EIF2AK4: variants seen among roughly 807,000 people sequenced by gnomAD.
EIF2AK4 encodes eukaryotic translation initiation factor 2 alpha kinase 4.
A neutral mutation model predicts 211.1 loss-of-function variants in EIF2AK4; 139 were observed. That is an observed-to-expected ratio of 0.66 (90% CI 0.57 to 0.76). The LOEUF is 0.76. Among genes scored for constraint, EIF2AK4 ranks in the 30% least tolerant of loss-of-function variants. The pLI is 0.00. For missense variants in EIF2AK4, 1,664 were observed against 2,043.8 expected (o/e 0.81, Z 3.58); for synonymous variants, 710 against 751.3 (o/e 0.94, Z 0.90).
At chr15:39,981,455 G>T (rs2034783807) in intron 13 of EIF2AK4, among the ~76,000 whole-genome samples, 1 of 152,114 alleles carries the variant, frequency 6.6e-6, no homozygotes, top group South Asian at 2.1e-4. Flanking sequence ...TATTACAGGG[G>T]CACCAAATCC....
At chr15:39,987,474 T>C (rs2034882127) in intron 14 of EIF2AK4, among the ~76,000 whole-genome samples, 1 of 152,248 alleles carries the variant, frequency 6.6e-6, no homozygotes, top group African/African-American at 2.4e-5. Context: ...TTTTCTGATA[T>C]GTGAATACAC....
At chr15:40,021,124 C>T (rs1423642895) in intron 31 of EIF2AK4, 97 bp downstream of exon 31, 2 of 1,348,148 alleles carry the variant, frequency 1.5e-6, no homozygotes, top group East Asian at 5.3e-5. Flanking sequence ...CTCTGTTTAT[C>T]TCTGTAATTC....
chr15:39,955,624 G>A lies in EIF2AK4; in HGVS notation c.599G>A (p.Arg200His), dbSNP rs563342241. 8.7e-6 allele frequency: 14 copies of A among 1,604,878 alleles called. No individual in the cohort carries two copies. The East Asian group carries it at 2.0e-4, about 23-fold the overall frequency. Reference sequence around the variant, plus strand: ...GTTTTACTTTTCTTGTTCTAGGAACGTTTGGAAATTGCTAGTTTGTCAAAC... The same window carrying A: ...GTTTTACTTTTCTTGTTCTAGGAACATTTGGAAATTGCTAGTTTGTCAAAC... ...KKRKEMAKQE[R>H]LEIASLSNQD... The change falls in exon 6 of 39, where the codon CGT becomes CAT. Residue 200 changes from arginine to histidine, a missense_variant. Coordinates refer to ENST00000263791, the MANE Select transcript of EIF2AK4 (RefSeq NM_001013703.4).
At chr15:39,948,494 A>C (rs1387119445) in intron 3 of EIF2AK4, among the ~76,000 whole-genome samples, 1 of 152,198 alleles carries the variant, frequency 6.6e-6, no homozygotes, top group East Asian at 1.9e-4. Context: ...CACATAAAGA[A>C]TGTGTGAAAG....
At chr15:40,014,760 AGAATGG>A (rs1349076148) in intron 27 of EIF2AK4, among the ~76,000 whole-genome samples, 1 of 152,190 alleles carries the variant, frequency 6.6e-6, no homozygotes, top group African/African-American at 2.4e-5. Context: ...TTTTCCTCAG[AGAATGG>A]GGTTTTCTTT....
chr15:39,954,160 A>T (rs1475476532), intron 5 of EIF2AK4, among the ~76,000 whole-genome samples, 176 bp downstream of exon 5: 1 of 152,200 alleles, frequency 6.6e-6, no homozygotes, highest in Non-Finnish European at 1.5e-5. Context: ...TTAGAGTTTT[A>T]TGTTGTCAGT....
intron 15 of EIF2AK4, among the ~76,000 whole-genome samples, chr15:39,990,063 G>C (rs957164671): frequency 1.6e-4 from 24 of 152,182 alleles, no homozygotes; most frequent in African/African-American, 5.8e-4. Flanking sequence ...AATTCACCTG[G>C]TCAGGATACC....
At chr15:39,935,883 A>C (rs929923933) in intron 1 of EIF2AK4, among the ~76,000 whole-genome samples, 1 of 152,208 alleles carries the variant, frequency 6.6e-6, no homozygotes, top group Non-Finnish European at 1.5e-5. Flanking sequence ...TTTAACCTGA[A>C]ATGGTAAAAA....
chr15:40,018,442 AT>A (rs112144186), intron 29 of EIF2AK4, among the ~76,000 whole-genome samples: 23,360 of 148,482 alleles, frequency 0.16, 1,892 homozygotes, highest in Non-Finnish European at 0.18. Flanking sequence ...GCATTCTTTG[AT>A]TTTTTTTTTC....
chr15:39,967,341 C>G lies in EIF2AK4; in HGVS notation c.1018-3C>G. 6.7e-7 allele frequency: 1 copy of G among 1,485,906 alleles called. No homozygotes were observed. The highest frequency in any genetic ancestry group is 9.1e-7 in the Non-Finnish European group (1 of 1,103,200). 92.0% of individuals were successfully genotyped at this position (1,485,906 alleles called of 1,614,324 possible). A position where few individuals can be genotyped will look rare whatever the true frequency, so the allele number is the denominator to read the frequency against. On this transcript the variant is annotated splice_polypyrimidine_tract_variant and splice_region_variant and intron_variant, in intron 8 of 38. Transcript: ENST00000263791. ...TTCTTTTTTTTTTTTTTTAACTTAT[C>G]AGATTCAAGGAACAGAAACAGAATT... is the stretch of plus-strand genomic sequence containing the variant.
intron 2 of EIF2AK4, among the ~76,000 whole-genome samples, chr15:39,940,929 C>A (rs527849793): frequency 6.6e-6 from 1 of 151,926 alleles, no homozygotes; most frequent in Admixed American, 6.6e-5. Flanking sequence ...TCCTAAGTTG[C>A]GATAATTGCT....
intron 33 of EIF2AK4, among the ~76,000 whole-genome samples, chr15:40,027,134 T>G (rs1318658992): frequency 1.3e-5 from 2 of 152,224 alleles, no homozygotes; most frequent in African/African-American, 4.8e-5. Flanking sequence ...ACAACTGTTT[T>G]CCAAAAGAAA....
chr15:39,999,076 A>T (rs2035059727), intron 20 of EIF2AK4, among the ~76,000 whole-genome samples: 1 of 152,104 alleles, frequency 6.6e-6, no homozygotes, highest in Non-Finnish European at 1.5e-5. Flanking sequence ...AAAAAAAAAG[A>T]ATCCTTTTAC....
chr15:39,955,862 C>T (rs957743636), intron 6 of EIF2AK4, 94 bp downstream of exon 6: 23 of 1,363,254 alleles, frequency 1.7e-5, no homozygotes, highest in South Asian at 1.6e-4. Context: ...AAATTTCAGG[C>T]GATAGTCTTA....
At chr15:39,946,439 A>T (rs2034228177) in intron 3 of EIF2AK4, 2 of 625,328 alleles carry the variant, frequency 3.2e-6, no homozygotes, top group Admixed American at 5.0e-5. Flanking sequence ...AATTGCTGCA[A>T]CCTCATGATA....
intron 11 of EIF2AK4, among the ~76,000 whole-genome samples, chr15:39,976,153 A>C (rs2034689367): frequency 6.6e-6 from 1 of 152,244 alleles, no homozygotes; most frequent in Admixed American, 6.5e-5. Flanking sequence ...CTGTCAGTAA[A>C]ATTAATTATT....
intron 19 of EIF2AK4, among the ~76,000 whole-genome samples, chr15:39,998,257 G>GTTTTTTT (rs752625722): frequency 5.5e-5 from 6 of 109,742 alleles, no homozygotes; most frequent in Non-Finnish European, 1.2e-4. Context: ...TATGGGTGTG[G>GTTTTTTT]TTTTTTTTTT....
chr15:40,014,942 A>G (rs755365939), intron 27 of EIF2AK4, among the ~76,000 whole-genome samples: 2 of 152,170 alleles, frequency 1.3e-5, no homozygotes, highest in Non-Finnish European at 2.9e-5. Context: ...AAGTTTCACA[A>G]ATCTCTAGGG....
intron 18 of EIF2AK4, among the ~76,000 whole-genome samples, chr15:39,996,131 T>C (rs1363825099): frequency 6.6e-6 from 1 of 152,200 alleles, no homozygotes; most frequent in African/African-American, 2.4e-5. Flanking sequence ...TGTGTCTAGC[T>C]TATTTCACCT....
Sources: gnomAD v4.1 joint callset for allele counts (sites outside exome capture counted in the v4.1 genomes callset) on GRCh38, gnomAD v4.1.1 for gene constraint, MANE v1.5 for transcripts, NCBI Gene and HGNC (gene_info 2026-07-23, HGNC 2026-07-21) for gene names.